The following USO1 variants were observed in gnomAD, a reference collection of about 807,000 sequenced individuals.
USO1 encodes general vesicular transport factor p115.
USO1 carries 57 observed loss-of-function variants against 124.5 expected under a neutral mutation model. The ratio of observed to expected loss-of-function variants is 0.46; its 90% CI spans 0.37 to 0.57. The LOEUF is 0.57. Ranked by LOEUF, USO1 falls within the 20% of genes least tolerant of loss-of-function variation. The probability of loss-of-function intolerance (pLI) is 0.00; values close to 1 mark genes in which losing one functional copy is unlikely to be tolerated. For synonymous variants in USO1, 369 were observed against 362.8 expected (o/e 1.02, Z -0.19); for missense variants, 900 against 1,040.6 (o/e 0.86, Z 1.86).
Position 75,799,722 on chromosome 4 carries a change from A to C in USO1, c.1553A>C (p.Asn518Thr), listed in dbSNP as rs753889836. ...ACGCATTTTCTTCACAATTCAGCCA[A>C]TGTTCCATTTGTATCCTTTATGTTT... ...AVTHFLHNSA[N>T]VPFLTGQIAE... The change falls in exon 14 of 24, where the codon AAT (asparagine) becomes ACT (threonine). Residue 518 changes from asparagine (N) to threonine (T), a missense_variant. Transcript: ENST00000514213. 17 of 1,613,596 alleles carry C rather than the reference A, an allele frequency of 1.1e-5. No homozygotes were observed. The highest frequency in any genetic ancestry group is 1.4e-5 in the Non-Finnish European group (17 of 1,179,766).
intron 4 of USO1, among the ~76,000 whole-genome samples, chr4:75,764,579 A>C (rs1197452971): frequency 6.6e-6 from 1 of 152,194 alleles, no homozygotes; most frequent in African/African-American, 2.4e-5. Flanking sequence ...ACATTTTAAA[A>C]TACATTTTAG....
chr4:75,804,187 T>A lies in USO1; in HGVS notation c.2040T>A (p.Asn680Lys). The A allele has an allele frequency of 6.2e-7, 1 of 1,613,556 alleles. No individual in the cohort carries two copies. The highest frequency in any genetic ancestry group is 8.5e-7 in the Non-Finnish European group (1 of 1,179,708). ...RQQVSTLKCQ[N>K]EQLQTAVTQQ... ...AGGTTTCTACATTAAAATGTCAAAA[T>A]GAACAGCTCCAGACGGCAGTCACAC... is the stretch of plus-strand genomic sequence containing the variant. Residue 680 changes from asparagine (N) to lysine (K), a missense_variant, in exon 18 of 24, where the codon AAT (asparagine) becomes AAA (lysine). By Grantham distance (94) the Asn-to-Lys change is moderately conservative. This residue lies in a region of USO1 where 362 missense variants were observed against 359.0 expected (regional missense o/e 1.01). Coordinates refer to ENST00000514213, the MANE Select transcript of USO1 (RefSeq NM_003715.4).
intron 17 of USO1, among the ~76,000 whole-genome samples, chr4:75,801,506 C>G (rs977977408): frequency 2.0e-5 from 3 of 152,118 alleles, no homozygotes; most frequent in African/African-American, 7.2e-5. Context: ...CCTAAACCTT[C>G]ATTATATTCC....
chr4:75,774,023 G>A (rs1025996271), intron 7 of USO1, among the ~76,000 whole-genome samples: 17 of 152,210 alleles, frequency 1.1e-4, no homozygotes, highest in African/African-American at 4.1e-4. Context: ...GTAACAGTGA[G>A]TTTTTATTGA....
At chr4:75,753,449 C>T (rs1252824078) in intron 3 of USO1, among the ~76,000 whole-genome samples, 1 of 152,056 alleles carries the variant, frequency 6.6e-6, no homozygotes, top group African/African-American at 2.4e-5. Flanking sequence ...TGGGAGAAAT[C>T]ACTTGAACCC....
intron 1 of USO1, among the ~76,000 whole-genome samples, chr4:75,734,718 CT>C (rs55928639): frequency 2.7e-3 from 126 of 47,428 alleles, no homozygotes; most frequent in Middle Eastern, 0.029. Flanking sequence ...GGCAGTATGG[CT>C]TTTTTTTTTT....
At position 75,724,697 on chromosome 4, in the gene USO1, C is replaced by A; in HGVS notation, c.-123C>A. ...GCTGGAGTGGCCGCCGAGTTGGAGGCGGTGGTGGCAGCAGTAGGAGTGTGT... is the reference window on the plus strand; with the variant it reads ...GCTGGAGTGGCCGCCGAGTTGGAGGAGGTGGTGGCAGCAGTAGGAGTGTGT... On this transcript the variant is annotated 5_prime_UTR_variant, in exon 1 of 24. Transcript: ENST00000514213. 1.0e-6 allele frequency: 1 copy of A among 953,410 alleles called. No homozygotes were observed. The highest frequency in any genetic ancestry group is 1.6e-5 in the South Asian group (1 of 61,422). The allele number at this position is 953,410 out of a possible 1,614,324, so 59.1% of individuals were successfully genotyped here.
At chr4:75,793,633 A>G in intron 12 of USO1, 57 bp from the exon 13 acceptor site, 1 of 1,543,188 alleles carries the variant, frequency 6.5e-7, no homozygotes, top group South Asian at 1.2e-5. Context: ...ATTTATTTAA[A>G]ATTTGGTTTA....
At chr4:75,812,114 G>A in intron 22 of USO1, 46 bp from the exon 23 acceptor site, 2 of 1,553,374 alleles carry the variant, frequency 1.3e-6, no homozygotes, top group East Asian at 2.4e-5. Flanking sequence ...CTCTAGGAAA[G>A]TGAGTGCTAA....
In USO1 at chr4:75,805,248, A is replaced by G; in HGVS notation, c.2234A>G (p.Asn745Ser). Reference sequence around the variant, plus strand: ...GAAGAGATAGAAGAATTAAAACGTAATCAGGAACTTTTACAAAGCCAGCTG... The same window carrying G: ...GAAGAGATAGAAGAATTAAAACGTAGTCAGGAACTTTTACAAAGCCAGCTG... ...LREEIEELKR[N>S]QELLQSQLTE... is the part of the protein sequence containing the mutation. Residue 745 changes from asparagine (N) to serine (S), a missense_variant, in exon 19 of 24, where the codon AAT (asparagine) becomes AGT (serine). Asn to Ser is a conservative substitution (Grantham distance 46, BLOSUM62 1). This residue lies in a region of USO1 where 362 missense variants were observed against 359.0 expected (regional missense o/e 1.01). Coordinates refer to ENST00000514213, the MANE Select transcript of USO1 (RefSeq NM_003715.4). 2 of 1,612,564 alleles carry G rather than the reference A, an allele frequency of 1.2e-6. No individual in the cohort carries two copies. Among genetic ancestry groups the G allele is most frequent in the Non-Finnish European group, 1.7e-6 (2 of 1,179,230 alleles).
chr4:75,800,499 G>A, intron 15 of USO1, 30 bp downstream of exon 15: 1 of 1,532,718 alleles, frequency 6.5e-7, no homozygotes, highest in Non-Finnish European at 8.7e-7. Flanking sequence ...TTTTCTAATG[G>A]CATCAAGAGA....
At chr4:75,756,698 G>GT (rs1031765630) in intron 3 of USO1, among the ~76,000 whole-genome samples, 1 of 151,508 alleles carries the variant, frequency 6.6e-6, no homozygotes, top group Non-Finnish European at 1.5e-5. Flanking sequence ...TAGAGACGGG[G>GT]TTTCTCCGTC....
intron 20 of USO1, among the ~76,000 whole-genome samples, chr4:75,807,318 T>C (rs1723025198): frequency 6.6e-6 from 1 of 151,990 alleles, no homozygotes; most frequent in Non-Finnish European, 1.5e-5. Context: ...TCTTTTCTTC[T>C]CTCTCTTTTC....
intron 20 of USO1, 85 bp from the exon 21 acceptor site, chr4:75,808,868 A>AT: frequency 1.4e-6 from 2 of 1,430,692 alleles, no homozygotes; most frequent in Non-Finnish European, 1.9e-6. Context: ...GTTGTAAATC[A>AT]TTTTTTTAAA....
chr4:75,747,727 A>G (rs989523093), intron 1 of USO1, among the ~76,000 whole-genome samples: 2 of 144,966 alleles, frequency 1.4e-5, no homozygotes, highest in African/African-American at 5.2e-5. Flanking sequence ...CTCCTGCCTC[A>G]GCGTCCTGAG....
intron 3 of USO1, among the ~76,000 whole-genome samples, chr4:75,753,199 G>T (rs1171808769): frequency 6.6e-6 from 1 of 150,464 alleles, no homozygotes; most frequent in Non-Finnish European, 1.5e-5. Context: ...TGGGAGGATT[G>T]CTTGAGCCCA....
chr4:75,726,046 C>T (rs1262747571), intron 1 of USO1, among the ~76,000 whole-genome samples: 1 of 152,134 alleles, frequency 6.6e-6, no homozygotes. Flanking sequence ...CTTTGGGAGG[C>T]TGAGGCCGGC....
At chr4:75,725,083 C>T (rs1209578861) in intron 1 of USO1, 198 bp downstream of exon 1, 2 of 635,578 alleles carry the variant, frequency 3.1e-6, no homozygotes, top group Admixed American at 3.2e-5. Context: ...CCATTGCTGC[C>T]GTTCGGCCGG....
At chr4:75,754,112 C>T (rs1367038510) in intron 3 of USO1, among the ~76,000 whole-genome samples, 8 of 136,454 alleles carry the variant, frequency 5.9e-5, no homozygotes, top group African/African-American at 1.7e-4. Context: ...GATAGAGTTT[C>T]GCTCTCATTG....
Sources: allele counts gnomAD v4.1 joint callset (sites outside exome capture counted in the v4.1 genomes callset), GRCh38; gene constraint gnomAD v4.1.1; regional missense constraint gnomAD v4.1.1; transcripts MANE v1.5; gene names NCBI Gene and HGNC (gene_info 2026-07-23, HGNC 2026-07-21).